The following LINGO2 variants were observed in gnomAD, a reference collection of about 807,000 sequenced individuals.
LINGO2 encodes leucine rich repeat and Ig domain containing 2, also known as leucine-rich repeat and immunoglobulin-like domain-containing nogo receptor-interacting protein 2.
Under a neutral mutation model 30.6 loss-of-function variants are expected in LINGO2, and 14 were observed. The ratio of observed to expected loss-of-function variants is 0.46; its 90% CI spans 0.30 to 0.72. The LOEUF (loss-of-function observed/expected upper bound fraction) is 0.72. LINGO2 is among the 30% of genes least tolerant of loss of function. The pLI, the probability that LINGO2 is intolerant of heterozygous loss-of-function variation, is 0.07. For missense variants in LINGO2, 729 were observed against 751.7 expected, an observed-to-expected ratio of 0.97 and a Z score of 0.35; for synonymous variants, 317 against 288.5, an observed-to-expected ratio of 1.10 and a Z score of -1.00.
chr9:28,196,444 A>T (rs958563027), intron 4 of LINGO2, among the ~76,000 whole-genome samples: 4 of 151,888 alleles, frequency 2.6e-5, no homozygotes, highest in African/African-American at 7.2e-5. Context: ...AATAGACATT[A>T]TATGTACAAG....
intron 4 of LINGO2, among the ~76,000 whole-genome samples, chr9:28,034,765 T>A (rs952381188): frequency 1.3e-5 from 2 of 152,252 alleles, no homozygotes; most frequent in African/African-American, 4.8e-5. Context: ...AAATTATATG[T>A]GAAATGTATT....
At chr9:29,082,026 G>A in the LINGO2 span, among the ~76,000 whole-genome samples, 1 of 152,048 alleles carries the variant, frequency 6.6e-6, no homozygotes, top group African/African-American at 2.4e-5. Flanking sequence ...CAGATTCAAT[G>A]CCATCCCCAT....
At chr9:28,709,736 A>G in the LINGO2 span, among the ~76,000 whole-genome samples, 1 of 151,880 alleles carries the variant, frequency 6.6e-6, no homozygotes, top group South Asian at 2.1e-4. Context: ...TTAAAATTAT[A>G]TATGTATACT....
chr9:28,764,132 TAA>T, the LINGO2 span, among the ~76,000 whole-genome samples: 1 of 146,714 alleles, frequency 6.8e-6, no homozygotes, highest in Non-Finnish European at 1.5e-5. Flanking sequence ...GAACTCTTTT[TAA>T]AAAAAAAAAG....
chr9:28,123,912 C>A (rs1827168269), intron 4 of LINGO2, among the ~76,000 whole-genome samples: 1 of 152,162 alleles, frequency 6.6e-6, no homozygotes. Flanking sequence ...ATGATCCACT[C>A]ACCTTGGCCT....
At chr9:29,120,735 TA>T in the LINGO2 span, among the ~76,000 whole-genome samples, 4 of 152,172 alleles carry the variant, frequency 2.6e-5, no homozygotes, top group Non-Finnish European at 5.9e-5. Context: ...GCTTGGCCAT[TA>T]AAGTCACACA....
intron 4 of LINGO2, among the ~76,000 whole-genome samples, chr9:28,121,250 C>G (rs1048360554): frequency 6.6e-6 from 1 of 151,960 alleles, no homozygotes; most frequent in African/African-American, 2.4e-5. Context: ...TTTTTACTAA[C>G]GGCACATGGA....
chr9:28,241,267 CAAAAAAAA>C (rs1164724626), intron 4 of LINGO2, among the ~76,000 whole-genome samples: 43 of 83,596 alleles, frequency 5.1e-4, no homozygotes, highest in African/African-American at 1.5e-3. Context: ...GACCCTGTCT[CAAAAAAAA>C]AAAAAAAAAA....
the LINGO2 span, among the ~76,000 whole-genome samples, chr9:29,098,968 T>C: frequency 3.8e-4 from 58 of 152,274 alleles, no homozygotes; most frequent in Non-Finnish European, 5.3e-4. Flanking sequence ...TCACATTACC[T>C]GACTTCCAAT....
intron 1 of LINGO2, among the ~76,000 whole-genome samples, chr9:28,593,620 C>G (rs1384999795): frequency 6.6e-6 from 1 of 152,052 alleles, no homozygotes; most frequent in Non-Finnish European, 1.5e-5. Flanking sequence ...TTTAAAACTT[C>G]TCTGCAAGCC....
the LINGO2 span, among the ~76,000 whole-genome samples, chr9:29,072,637 TC>T: frequency 9.8e-5 from 11 of 112,458 alleles, no homozygotes; most frequent in South Asian, 3.3e-3. Flanking sequence ...ATATCAAGAG[TC>T]CTAAATAATT....
the LINGO2 span, among the ~76,000 whole-genome samples, chr9:29,097,664 C>T: frequency 2.9e-5 from 4 of 137,680 alleles, no homozygotes; most frequent in Non-Finnish European, 6.3e-5. Flanking sequence ...TTTCTACTTC[C>T]TAAGCAGGTG....
At chr9:28,088,730 A>C (rs10968338) in intron 4 of LINGO2, among the ~76,000 whole-genome samples, 13,329 of 152,200 alleles carry the variant, frequency 0.088, 822 homozygotes, top group Middle Eastern at 0.18. Flanking sequence ...CCTTAAATGT[A>C]AATGGGCTAA....
intron 3 of LINGO2, among the ~76,000 whole-genome samples, chr9:28,348,789 C>T (rs1447258278): frequency 6.6e-6 from 1 of 151,978 alleles, no homozygotes; most frequent in Admixed American, 6.6e-5. Context: ...TCCCAGCACG[C>T]AGCTGGAGAT....
chr9:28,885,376 T>C, the LINGO2 span, among the ~76,000 whole-genome samples: 8,125 of 26,054 alleles, frequency 0.31, 543 homozygotes, highest in East Asian at 0.36. Flanking sequence ...CACACACACA[T>C]ATATATATAC....
chr9:29,073,606 A>C, the LINGO2 span, among the ~76,000 whole-genome samples: 1 of 152,232 alleles, frequency 6.6e-6, no homozygotes, highest in African/African-American at 2.4e-5. Flanking sequence ...TTTATTTATT[A>C]TCTATGACTG....
At chr9:28,814,105 A>G in the LINGO2 span, among the ~76,000 whole-genome samples, 1 of 152,206 alleles carries the variant, frequency 6.6e-6, no homozygotes, top group Non-Finnish European at 1.5e-5. Context: ...ATGAGCTTAT[A>G]TATGACCAGA....
chr9:29,134,417 T>G, the LINGO2 span, among the ~76,000 whole-genome samples: 3 of 152,120 alleles, frequency 2.0e-5, no homozygotes, highest in Non-Finnish European at 4.4e-5. Context: ...ATTTGAAAAA[T>G]ATACATTTTT....
chr9:28,627,923 A>C (rs1465913446), intron 1 of LINGO2, among the ~76,000 whole-genome samples: 1 of 152,036 alleles, frequency 6.6e-6, no homozygotes, highest in Non-Finnish European at 1.5e-5. Flanking sequence ...GGAGAGCTAT[A>C]TTTTAAATTT....
Sources: gnomAD v4.1 joint callset for allele counts (sites outside exome capture counted in the v4.1 genomes callset) on GRCh38, gnomAD v4.1.1 for gene constraint, MANE v1.5 for transcripts, NCBI Gene and HGNC (gene_info 2026-07-23, HGNC 2026-07-21) for gene names.